The following C7 variants were observed in gnomAD, a reference collection of about 807,000 sequenced individuals.
C7 encodes complement component C7.
Under a neutral mutation model 104.8 loss-of-function variants are expected in C7, and 83 were observed. The observed-to-expected ratio is 0.79, with a 90% CI of 0.66 to 0.95. The LOEUF (loss-of-function observed/expected upper bound fraction) is 0.95. Ranked by LOEUF, C7 falls within the 40% of genes least tolerant of loss-of-function variation. The pLI, the probability that C7 is intolerant of heterozygous loss-of-function variation, is 0.00. For missense variants in C7, 1,070 were observed against 1,011.2 expected (o/e 1.06, Z -0.79); for synonymous variants, 415 against 360.6 (o/e 1.15, Z -1.71).
intron 9 of C7, chr5:40,954,820 T>TTTGCA (rs1200956380): frequency 2.3e-5 from 4 of 172,872 alleles, no homozygotes; most frequent in African/African-American, 1.1e-4. Context: ...GGGGGCAGAG[T>TTTGCA]TTGCATTGAG....
chr5:40,960,204 T>C (rs185066600), intron 12 of C7, among the ~76,000 whole-genome samples: 194 of 152,346 alleles, frequency 1.3e-3, no homozygotes, highest in African/African-American at 4.5e-3. Context: ...AAATGCTCAG[T>C]TGATGAATCA....
intron 7 of C7, among the ~76,000 whole-genome samples, chr5:40,946,623 A>T (rs1409495604): frequency 6.6e-6 from 1 of 152,194 alleles, no homozygotes; most frequent in Non-Finnish European, 1.5e-5. Flanking sequence ...CTAGCATGGG[A>T]GATAAATCAT....
chr5:40,950,731 G>C (rs1374692404), intron 9 of C7, among the ~76,000 whole-genome samples: 1 of 152,158 alleles, frequency 6.6e-6, no homozygotes, highest in Non-Finnish European at 1.5e-5. Context: ...TCTCCTTTAT[G>C]ATGATTGGCA....
At chr5:40,941,095 A>G (rs1258981726) in intron 6 of C7, among the ~76,000 whole-genome samples, 1 of 146,666 alleles carries the variant, frequency 6.8e-6, no homozygotes, top group Non-Finnish European at 1.5e-5. Flanking sequence ...AGTCTCATTC[A>G]CCCATTTGCC....
At chr5:40,966,656 C>A (rs1485323777) in intron 14 of C7, among the ~76,000 whole-genome samples, 1 of 152,138 alleles carries the variant, frequency 6.6e-6, no homozygotes, top group Non-Finnish European at 1.5e-5. Flanking sequence ...GGATTACAGG[C>A]ATGAGCTACC....
chr5:40,950,594 T>C (rs1485465729), intron 9 of C7, among the ~76,000 whole-genome samples: 2 of 152,222 alleles, frequency 1.3e-5, no homozygotes, highest in African/African-American at 4.8e-5. Context: ...TTTTAAAAAA[T>C]CTATTTGGTA....
chr5:40,929,888 T>C (rs191561776), intron 2 of C7, among the ~76,000 whole-genome samples: 6 of 152,306 alleles, frequency 3.9e-5, no homozygotes, highest in East Asian at 1.9e-4. Flanking sequence ...CAATTTTTAG[T>C]TTTCCACTTC....
intron 15 of C7, among the ~76,000 whole-genome samples, chr5:40,976,361 A>G (rs1172322032): frequency 2.6e-5 from 4 of 152,198 alleles, no homozygotes; most frequent in African/African-American, 7.2e-5. Flanking sequence ...ATTCAGACCA[A>G]TGTAGAATTA....
intron 6 of C7, among the ~76,000 whole-genome samples, chr5:40,942,868 G>T (rs982788561): frequency 6.6e-6 from 1 of 151,708 alleles, no homozygotes; most frequent in African/African-American, 2.4e-5. Context: ...GGGTTCAAGC[G>T]ATTCTCCTGG....
At chr5:40,942,397 G>A (rs1024250785) in intron 6 of C7, among the ~76,000 whole-genome samples, 1 of 152,042 alleles carries the variant, frequency 6.6e-6, no homozygotes, top group Non-Finnish European at 1.5e-5. Context: ...ATACAGAGAA[G>A]AGAGAGAAAA....
chr5:40,945,347 C>T lies in C7; in HGVS notation c.717C>T (p.Thr239=). Residue 239 remains threonine (T), a synonymous_variant, in exon 7 of 18, where the codon ACC becomes ACT. Transcript: ENST00000313164. ...SSSSRSYTSH[T]NEIHKGKSYQ... is the part of the protein sequence containing the mutation. Reference sequence around the variant, plus strand: ...CTTCACGCAGTTATACTTCACATACCAATGAAATCCATAAAGGAAAGGTTA... The same window carrying T: ...CTTCACGCAGTTATACTTCACATACTAATGAAATCCATAAAGGAAAGGTTA... 1 of 1,592,270 alleles carries T rather than the reference C, an allele frequency of 6.3e-7. No individual in the cohort carries two copies. The highest frequency in any genetic ancestry group is 8.5e-7 in the Non-Finnish European group (1 of 1,173,494).
intron 2 of C7, among the ~76,000 whole-genome samples, chr5:40,930,853 A>T: frequency 6.6e-6 from 1 of 152,312 alleles, no homozygotes; most frequent in Non-Finnish European, 1.5e-5. Flanking sequence ...GGTTTGAGCC[A>T]CTGTGCCAGC....
At position 40,981,811 on chromosome 5, in the gene C7, C is replaced by A. The variant is rs533446601; in HGVS notation, c.*238C>A. 1.9e-5 allele frequency: 7 copies of A among 372,350 alleles called. No homozygotes were observed. Among genetic ancestry groups the A allele is most frequent in the Non-Finnish European group, 3.3e-5 (7 of 209,044 alleles). The allele number at this position is 372,350 out of a possible 1,614,324, so 23.1% of individuals were successfully genotyped here. A position where few individuals can be genotyped will look rare whatever the true frequency, so the allele number is the denominator to read the frequency against. ...TATGAGCCTTTGCACAGGCTGGCTGCGTGTTCTTGAAATAGGTGTTACCTT... is the reference window on the plus strand; with the variant it reads ...TATGAGCCTTTGCACAGGCTGGCTGAGTGTTCTTGAAATAGGTGTTACCTT... On this transcript the variant is annotated 3_prime_UTR_variant, in exon 18 of 18. Coordinates refer to ENST00000313164, the MANE Select transcript of C7 (RefSeq NM_000587.4).
chr5:40,930,178 T>A (rs1463560995), intron 2 of C7, among the ~76,000 whole-genome samples: 5 of 151,722 alleles, frequency 3.3e-5, no homozygotes, highest in Non-Finnish European at 5.9e-5. Context: ...CTGTCCTTCC[T>A]TCTATCAATA....
intron 10 of C7, among the ~76,000 whole-genome samples, chr5:40,955,881 G>A (rs1740281484): frequency 6.6e-6 from 1 of 152,128 alleles, no homozygotes; most frequent in Non-Finnish European, 1.5e-5. Flanking sequence ...CTAGCAAGGG[G>A]AAGGCATGAA....
intron 1 of C7, among the ~76,000 whole-genome samples, chr5:40,911,520 C>T (rs1046397231): frequency 6.6e-6 from 1 of 152,112 alleles, no homozygotes; most frequent in African/African-American, 2.4e-5. Context: ...GAGCTTGGGG[C>T]CTGTGAATCT....
intron 1 of C7, among the ~76,000 whole-genome samples, chr5:40,912,148 T>C (rs2111603537): frequency 6.6e-6 from 1 of 152,336 alleles, no homozygotes; most frequent in East Asian, 1.9e-4. Flanking sequence ...TCTATCTCTC[T>C]TGTTCATTTA....
intron 1 of C7, among the ~76,000 whole-genome samples, chr5:40,921,039 A>T (rs1739427255): frequency 7.5e-6 from 1 of 132,810 alleles, no homozygotes; most frequent in Non-Finnish European, 1.6e-5. Flanking sequence ...ACAGAGCAAG[A>T]CTCTGTCTCC....
chr5:40,957,951 T>G, intron 10 of C7, 82 bp from the exon 11 acceptor site: 25 of 881,970 alleles, frequency 2.8e-5, no homozygotes, highest in Non-Finnish European at 3.8e-5. Context: ...TTTGTTTTAA[T>G]GAGAGTCGTG....
Sources: gnomAD v4.1 joint callset for allele counts (sites outside exome capture counted in the v4.1 genomes callset) on GRCh38, gnomAD v4.1.1 for gene constraint, MANE v1.5 for transcripts, NCBI Gene and HGNC (gene_info 2026-07-23, HGNC 2026-07-21) for gene names.